Variants in OPCML observed in about 807,000 individuals in gnomAD.
OPCML encodes the protein opioid binding protein/cell adhesion molecule like.
OPCML carries 13 observed loss-of-function variants against 37.8 expected under a neutral mutation model. The observed-to-expected ratio is 0.34, with a 90% CI of 0.22 to 0.55. OPCML has a LOEUF of 0.55. OPCML is among the 20% of genes least tolerant of loss of function. The pLI, the probability that OPCML is intolerant of heterozygous loss-of-function variation, is 0.91. For missense variants in OPCML, 341 were observed against 435.6 expected (o/e 0.78, Z 1.93); for synonymous variants, 176 against 168.8 (o/e 1.04, Z -0.33).
chr11:133,272,252 TA>T (rs544482291), intron 1 of OPCML, among the ~76,000 whole-genome samples: 12,186 of 124,356 alleles, frequency 0.098, 609 homozygotes, highest in African/African-American at 0.18. Context: ...ATATTTGGAC[TA>T]AAAAAAAAAA....
At chr11:133,006,822 C>A in intron 1 of OPCML, 1 of 985,412 alleles carries the variant, frequency 1.0e-6, no homozygotes, top group Non-Finnish European at 1.2e-6. Flanking sequence ...GCAGTGACAC[C>A]AGGGTAACTG....
chr11:132,422,339 C>T (rs2095962338), intron 7 of OPCML, among the ~76,000 whole-genome samples: 1 of 152,130 alleles, frequency 6.6e-6, no homozygotes, highest in South Asian at 2.1e-4. Flanking sequence ...ACACAGAAAA[C>T]AGACCATGGA....
chr11:132,624,316 A>G lies in OPCML; in HGVS notation c.379+32771T>C, dbSNP rs1443095793. Among the ~76,000 whole-genome samples the G allele has an allele frequency of 3.9e-5, 6 of 152,242 alleles. No homozygotes were observed. The East Asian group carries it at 7.7e-4, about 20-fold the overall frequency. The stretch of plus-strand genomic sequence containing the variant: ...CACCACACCCTTACTGAAACTGCTC[A>G]TATCACTATCATGGTATGATAACAA... On this transcript the variant is annotated intron_variant, in intron 3 of 7. Coordinates refer to ENST00000524381, the MANE Select transcript of OPCML (RefSeq NM_001012393.5).
chr11:132,428,931 C>T (rs1413560914), intron 7 of OPCML, among the ~76,000 whole-genome samples: 4 of 152,292 alleles, frequency 2.6e-5, no homozygotes, highest in African/African-American at 9.6e-5. Context: ...CTTGTTTGTG[C>T]AAGATCAGAA....
intron 4 of OPCML, among the ~76,000 whole-genome samples, chr11:132,451,069 G>A (rs2096067333): frequency 6.6e-6 from 1 of 152,106 alleles, no homozygotes; most frequent in African/African-American, 2.4e-5. Flanking sequence ...AAGAGACAAA[G>A]CAATAAGAAA....
At chr11:133,274,017 C>T (rs1941923212) in intron 1 of OPCML, among the ~76,000 whole-genome samples, 1 of 152,156 alleles carries the variant, frequency 6.6e-6, no homozygotes, top group African/African-American at 2.4e-5. Flanking sequence ...AACATATTTG[C>T]ACACATACAT....
chr11:132,724,996 T>C (rs1218281223), intron 2 of OPCML, among the ~76,000 whole-genome samples: 1 of 152,098 alleles, frequency 6.6e-6, no homozygotes, highest in African/African-American at 2.4e-5. Context: ...TGACGTTGAG[T>C]GTCTGAGGCT....
intron 1 of OPCML, among the ~76,000 whole-genome samples, chr11:133,010,650 T>A (rs1947196432): frequency 6.6e-6 from 1 of 152,136 alleles, no homozygotes; most frequent in South Asian, 2.1e-4. Flanking sequence ...TTTCTATCAA[T>A]GTGTTGAATA....
intron 3 of OPCML, among the ~76,000 whole-genome samples, chr11:132,612,467 T>G (rs893599676): frequency 2.6e-4 from 39 of 152,214 alleles, no homozygotes; most frequent in African/African-American, 9.4e-4. Context: ...CTGTGAAACC[T>G]GTTTTATCTT....
At chr11:132,554,863 G>GTTTTTTTTTTTTTTTTTTTTTT (rs5795789) in intron 3 of OPCML, among the ~76,000 whole-genome samples, 36 of 64,028 alleles carry the variant, frequency 5.6e-4, no homozygotes, top group East Asian at 1.5e-3. Flanking sequence ...ATGGGGTAAA[G>GTTTTTTTTTTTTTTTTTTTTTT]TTTTTTTTTT....
At chr11:132,953,531 A>C (rs537498110) in intron 1 of OPCML, among the ~76,000 whole-genome samples, 5 of 152,224 alleles carry the variant, frequency 3.3e-5, no homozygotes, top group African/African-American at 1.2e-4. Flanking sequence ...CACACCTCAT[A>C]TAGTTCTATA....
At chr11:132,591,138 C>A (rs1349470008) in intron 3 of OPCML, among the ~76,000 whole-genome samples, 1 of 152,168 alleles carries the variant, frequency 6.6e-6, no homozygotes. Flanking sequence ...TTATCCCCGG[C>A]CTGAGGCTGT....
chr11:132,847,249 C>T (rs1350822504), intron 2 of OPCML, among the ~76,000 whole-genome samples: 1 of 152,166 alleles, frequency 6.6e-6, no homozygotes, highest in Non-Finnish European at 1.5e-5. Context: ...AAATCTCTAA[C>T]TCTATATTAT....
At chr11:132,651,434 T>A (rs768999723) in intron 3 of OPCML, among the ~76,000 whole-genome samples, 1 of 152,202 alleles carries the variant, frequency 6.6e-6, no homozygotes, top group Non-Finnish European at 1.5e-5. Flanking sequence ...TTTTGATAAC[T>A]TTTTTTCTCG....
At chr11:133,435,558 A>G (rs755281526) in intron 1 of OPCML, among the ~76,000 whole-genome samples, 1 of 152,212 alleles carries the variant, frequency 6.6e-6, no homozygotes. Flanking sequence ...AATAAATAAC[A>G]TCCTCATTCA....
At chr11:132,504,664 G>A (rs56751203) in intron 4 of OPCML, among the ~76,000 whole-genome samples, 88 of 152,162 alleles carry the variant, frequency 5.8e-4, no homozygotes, top group African/African-American at 2.0e-3. Flanking sequence ...AAGAACTCTC[G>A]GTGTCGTCAG....
chr11:133,269,564 G>T (rs11223420), intron 1 of OPCML, among the ~76,000 whole-genome samples: 36,764 of 151,960 alleles, frequency 0.24, 4,497 homozygotes, highest in South Asian at 0.33. Context: ...TATTACTCAT[G>T]TTTTTTCTTT....
chr11:133,026,211 G>C (rs566820264), intron 1 of OPCML: 1 of 690,990 alleles, frequency 1.4e-6, no homozygotes, highest in Admixed American at 6.3e-5. Context: ...TAAAGCTTTC[G>C]AGCCAGGTTA....
At chr11:133,501,847 T>C (rs901810449) in intron 1 of OPCML, among the ~76,000 whole-genome samples, 8 of 152,052 alleles carry the variant, frequency 5.3e-5, no homozygotes, top group African/African-American at 1.7e-4. Context: ...TCCGGGCTCC[T>C]CACTTCTGCC....
Sources: gnomAD v4.1 joint callset for allele counts (sites outside exome capture counted in the v4.1 genomes callset) on GRCh38, gnomAD v4.1.1 for gene constraint, MANE v1.5 for transcripts, NCBI Gene and HGNC (gene_info 2026-07-23, HGNC 2026-07-21) for gene names.